MTMR7: variants seen among roughly 807,000 people sequenced by gnomAD.
MTMR7 encodes myotubularin related protein 7.
MTMR7 carries 76 observed loss-of-function variants against 81.2 expected under a neutral mutation model. The ratio of observed to expected loss-of-function variants is 0.94; its 90% CI spans 0.78 to 1.13. MTMR7 has a LOEUF of 1.13. Among genes scored for constraint, MTMR7 ranks in the 50% most tolerant of loss-of-function variants. The probability of loss-of-function intolerance (pLI) is 0.00; values close to 1 mark genes in which losing one functional copy is unlikely to be tolerated. For missense variants in MTMR7, 1,044 were observed against 820.0 expected, an observed-to-expected ratio of 1.27 and a Z score of -3.34; for synonymous variants, 372 against 289.8, an observed-to-expected ratio of 1.28 and a Z score of -2.88.
chr8:17,353,885 A>G lies in MTMR7; in HGVS notation c.469-4804T>C, dbSNP rs114408663. 3.9e-3 allele frequency among the ~76,000 whole-genome samples: 601 copies of G among 152,298 alleles called. 6 individuals are homozygous for G. The highest frequency in any genetic ancestry group is 0.014 in the African/African-American group (575 of 41,566). On this transcript the variant is annotated intron_variant, in intron 4 of 13. Transcript: ENST00000180173. ...TTTTGGTAACTCTTTCACTCATTCA[A>G]CAAGCTTTTACTGAGTACTTACTAT...
chr8:17,387,208 T>A (rs747654802), intron 1 of MTMR7, among the ~76,000 whole-genome samples: 2 of 152,192 alleles, frequency 1.3e-5, no homozygotes, highest in Non-Finnish European at 2.9e-5. Flanking sequence ...ATATCCCAGA[T>A]ATCCCAGGTA....
At chr8:17,347,399 T>C (rs1054335658) in intron 5 of MTMR7, among the ~76,000 whole-genome samples, 2 of 152,274 alleles carry the variant, frequency 1.3e-5, no homozygotes, top group South Asian at 2.1e-4. Flanking sequence ...TCCTTCAAAG[T>C]AGCAACAGAG....
At chr8:17,307,795 C>A (rs550434283) in intron 10 of MTMR7, among the ~76,000 whole-genome samples, 216 of 151,824 alleles carry the variant, frequency 1.4e-3, no homozygotes, top group African/African-American at 4.9e-3. Context: ...GACAAAAAAA[C>A]CAAACACCAC....
intron 6 of MTMR7, among the ~76,000 whole-genome samples, chr8:17,339,957 TTTTTTG>T (rs368819701): frequency 6.6e-5 from 10 of 152,350 alleles, no homozygotes; most frequent in African/African-American, 2.4e-4. Flanking sequence ...CAATTTTTTG[TTTTTTG>T]TTTTTGAGAT....
intron 7 of MTMR7, among the ~76,000 whole-genome samples, chr8:17,318,523 C>T (rs890878133): frequency 2.6e-5 from 4 of 152,184 alleles, no homozygotes; most frequent in African/African-American, 4.8e-5. Flanking sequence ...ACAAACATAA[C>T]GGATAGTGTT....
rs200894321 is a variant in MTMR7, at chr8:17,318,066, T to TA, written c.866-4666dup. Among the ~76,000 whole-genome samples, 689 of 152,000 alleles carry TA rather than the reference T, an allele frequency of 4.5e-3. 16 individuals carry two copies. Among genetic ancestry groups the TA allele is most frequent in the Admixed American group, 0.041 (626 of 15,262 alleles). ...GACTCCCTACATCAAACTGAGCTGT[T>TA]AAAAAAAATCCACTCATGCACTCAG... On this transcript the variant is annotated intron_variant, in intron 7 of 13. Transcript: ENST00000180173.
chr8:17,385,257 T>C (rs1003065648), intron 1 of MTMR7, among the ~76,000 whole-genome samples: 1 of 152,094 alleles, frequency 6.6e-6, no homozygotes, highest in African/African-American at 2.4e-5. Context: ...CAGTTTCTCC[T>C]GAATGGCTCG....
intron 1 of MTMR7, among the ~76,000 whole-genome samples, chr8:17,389,691 G>A (rs1821046063): frequency 6.6e-6 from 1 of 152,170 alleles, no homozygotes; most frequent in African/African-American, 2.4e-5. Context: ...TGACTTTTCA[G>A]ACAGGAAGTT....
At position 17,304,518 on chromosome 8, in the gene MTMR7, T is replaced by A. The variant is rs1211050615; in HGVS notation, c.1354A>T (p.Ile452Phe). The A allele has an allele frequency of 1.2e-6, 2 of 1,613,100 alleles. No homozygotes were observed. Among genetic ancestry groups the A allele is most frequent in the Admixed American group, 3.3e-5 (2 of 59,998 alleles). ...NSQKERRELK[I>F]QERTYSLWAH... ...CATAATGAGTATGTTCTTTCTTGAA[T>A]CCTGTTATAAAGAAAATAAGTCTAT... is the stretch of plus-strand genomic sequence containing the variant. Residue 452 changes from isoleucine (I) to phenylalanine (F), a missense_variant and splice_region_variant, in exon 12 of 14, where the codon ATT becomes TTT. By Grantham distance (21) the Ile-to-Phe change is conservative. Coordinates refer to ENST00000180173, the MANE Select transcript of MTMR7 (RefSeq NM_004686.5).
intron 1 of MTMR7, among the ~76,000 whole-genome samples, chr8:17,387,007 A>T (rs769335948): frequency 3.3e-5 from 5 of 152,156 alleles, no homozygotes; most frequent in South Asian, 4.1e-4. Context: ...CTCTCTGTTC[A>T]GAGCTACAGT....
At position 17,362,953 on chromosome 8, in the gene MTMR7, G is replaced by C. The variant is rs150958910; in HGVS notation, c.311-1679C>G. On this transcript the variant is annotated intron_variant, in intron 3 of 13. Coordinates refer to ENST00000180173, the MANE Select transcript of MTMR7 (RefSeq NM_004686.5). ...CACCAGATTTCTTCATTTTTCTTGA[G>C]AGTAAGAAGCAACTGCTGTATGTCA... Among the ~76,000 whole-genome samples the C allele has an allele frequency of 9.2e-5, 14 of 152,284 alleles. No individual in the cohort carries two copies. The East Asian group carries it at 2.3e-3, about 25-fold the overall frequency.
At chr8:17,347,940 G>A (rs1411325899) in intron 5 of MTMR7, among the ~76,000 whole-genome samples, 4 of 152,178 alleles carry the variant, frequency 2.6e-5, no homozygotes, top group African/African-American at 9.7e-5. Context: ...GTACTGAAGT[G>A]ACCTCTTGCA....
At chr8:17,377,224 A>G (rs940020671) in intron 1 of MTMR7, among the ~76,000 whole-genome samples, 12 of 152,120 alleles carry the variant, frequency 7.9e-5, no homozygotes, top group South Asian at 2.1e-4. Context: ...TTTACACAGA[A>G]ATCTTTAGTA....
At chr8:17,384,632 T>C (rs1224723255) in intron 1 of MTMR7, among the ~76,000 whole-genome samples, 1 of 152,162 alleles carries the variant, frequency 6.6e-6, no homozygotes, top group African/African-American at 2.4e-5. Flanking sequence ...CTCCAAACAA[T>C]GTAGAATTGC....
intron 3 of MTMR7, among the ~76,000 whole-genome samples, chr8:17,367,560 G>T (rs1820267503): frequency 1.3e-5 from 2 of 152,146 alleles, no homozygotes; most frequent in African/African-American, 2.4e-5. Context: ...GTTATGTTTT[G>T]CCTGAGATCT....
intron 9 of MTMR7, 27 bp downstream of exon 9, chr8:17,311,484 T>C: frequency 1.2e-6 from 2 of 1,613,816 alleles, no homozygotes; most frequent in Non-Finnish European, 1.7e-6. Context: ...GCACCGCCTG[T>C]GGGAATCGCC....
chr8:17,413,003 T>G (rs1821777984), intron 1 of MTMR7, among the ~76,000 whole-genome samples: 1 of 152,198 alleles, frequency 6.6e-6, no homozygotes, highest in Non-Finnish European at 1.5e-5. Context: ...TGAGGTTCCC[T>G]CCCGTTCACC....
chr8:17,394,709 A>G (rs1162572461), intron 1 of MTMR7, among the ~76,000 whole-genome samples: 1 of 152,198 alleles, frequency 6.6e-6, no homozygotes, highest in Non-Finnish European at 1.5e-5. Context: ...TTAGTTTTTT[A>G]ATTATGCCAA....
chr8:17,313,820 G>A (rs76351453), intron 7 of MTMR7, among the ~76,000 whole-genome samples: 3,029 of 152,230 alleles, frequency 0.02, 40 homozygotes, highest in Middle Eastern at 0.058. Flanking sequence ...AGAAGTTTCT[G>A]TCACCCAACC....
Sources: gnomAD v4.1 joint callset for allele counts (sites outside exome capture counted in the v4.1 genomes callset) on GRCh38, gnomAD v4.1.1 for gene constraint, MANE v1.5 for transcripts, NCBI Gene and HGNC (gene_info 2026-07-23, HGNC 2026-07-21) for gene names.